MINDY1: variants seen among roughly 807,000 people sequenced by gnomAD.
MINDY1 encodes the protein MINDY lysine 48 deubiquitinase 1.
In MINDY1, 50 loss-of-function variants were observed where a neutral mutation model predicts 53.6. That is an observed-to-expected ratio of 0.93 (90% CI 0.74 to 1.18). The LOEUF (loss-of-function observed/expected upper bound fraction) is 1.18, where lower values mean the gene tolerates loss of function less well. Among genes scored for constraint, MINDY1 ranks in the 50% most tolerant of loss-of-function variants. The pLI, the probability that MINDY1 is intolerant of heterozygous loss-of-function variation, is 0.00. For synonymous variants in MINDY1, 231 were observed against 234.7 expected (o/e 0.98, Z 0.14); for missense variants, 484 against 578.6 (o/e 0.84, Z 1.68).
chr1:150,997,164 C>T lies in MINDY1; in HGVS notation c.*123G>A. 3 of 1,022,550 alleles carry T rather than the reference C, an allele frequency of 2.9e-6. No homozygotes were observed. The highest frequency in any genetic ancestry group is 3.1e-5 in the South Asian group (2 of 65,350). The allele number at this position is 1,022,550 out of a possible 1,614,324, so 63.3% of individuals were successfully genotyped here. The stretch of plus-strand genomic sequence containing the variant: ...GTCTGACCTTGGCATTTGTTGCCTG[C>T]TCTCATCCCCAACAGTCCATAAATA... On this transcript the variant is annotated 3_prime_UTR_variant, in exon 10 of 10. Coordinates refer to ENST00000683666, the MANE Select transcript of MINDY1 (RefSeq NM_001376665.1).
upstream of MINDY1, among the ~76,000 whole-genome samples, chr1:151,007,455 G>A (rs1673355810): frequency 6.6e-6 from 1 of 152,172 alleles, no homozygotes; most frequent in South Asian, 2.1e-4. Flanking sequence ...AGTGAGCCAA[G>A]ATCCTGCCAC....
chr1:151,002,469 C>A lies in MINDY1; in HGVS notation c.149G>T (p.Arg50Leu). The A allele has an allele frequency of 6.2e-7, 1 of 1,614,192 alleles. No homozygotes were observed. The highest frequency in any genetic ancestry group is 1.1e-5 in the South Asian group (1 of 91,088). The change falls in exon 2 of 10, where the codon CGG becomes CTG. Residue 50 changes from arginine to leucine, a missense_variant. Transcript: ENST00000683666. The surrounding 1 kb of genome is among the most constrained non-coding windows in gnomAD (Gnocchi z 4.1). ...CAGCAAAGCTTGGTCTGCTGGCTCCCGTTCTCTAGCCTCCCCATCAGCATC... is the reference window on the plus strand; with the variant it reads ...CAGCAAAGCTTGGTCTGCTGGCTCCAGTTCTCTAGCCTCCCCATCAGCATC... The part of the protein sequence containing the change: ...ARDADGEARE[R>L]EPADQALLPS...
chr1:150,997,598 G>A (rs587622055), intron 9 of MINDY1, 26 bp downstream of exon 9: 1 of 1,604,366 alleles, frequency 6.2e-7, no homozygotes, highest in Non-Finnish European at 8.5e-7. Context: ...GAAACCGGGA[G>A]TGTGGGCGCC....
Position 151,000,670 on chromosome 1 carries a change from C to T in MINDY1, c.577-55G>A. 6 of 1,543,362 alleles carry T rather than the reference C, an allele frequency of 3.9e-6. No homozygotes were observed. The South Asian group carries it at 6.1e-5, about 16-fold the overall frequency. On this transcript the variant is annotated intron_variant, in intron 4 of 9. Transcript: ENST00000683666. ...TCTAGCCTTCTCTCCCACCACTCCA[C>T]TCCCACCTGCAGAAATTAAAAATTA...
In MINDY1 at chr1:151,002,497, T is replaced by C; in HGVS notation, c.121A>G (p.Arg41Gly). ...TCTCTAGCCTCCCCATCAGCATCTC[T>C]TGCATCTGTGTCCTGAGGGTGCTCA... ...PDEHPQDTDA[R>G]DADGEARERE... Residue 41 changes from arginine to glycine, a missense_variant, in exon 2 of 10, where the codon AGA (arginine) becomes GGA (glycine). By Grantham distance (125) the Arg-to-Gly change is moderately radical. Transcript: ENST00000683666. This position sits in a 1 kb window ranked among gnomAD's most constrained non-coding sequence, Gnocchi z 4.1. The C allele has an allele frequency of 1.2e-6, 2 of 1,612,696 alleles. No homozygotes were observed. Among genetic ancestry groups the C allele is most frequent in the Admixed American group, 3.3e-5 (2 of 60,026 alleles).
Position 151,002,437 on chromosome 1 carries a change from G to A in MINDY1, c.181C>T (p.Gln61Ter). The change falls in exon 2 of 10, where the codon CAG becomes TAG. Residue 61 changes from glutamine (Q) to a stop codon, truncating the protein, a stop_gained. Transcript: ENST00000683666. LOFTEE classifies it high-confidence loss of function. This position sits in a 1 kb window ranked among gnomAD's most constrained non-coding sequence, Gnocchi z 4.1. ...GGGGACTCAAGGTTGTCCCCACACT[G>A]GCTAGGCAGCAAAGCTTGGTCTGCT... Reference protein sequence around the residue: ...EPADQALLPSQCGDNLESPLP... With the variant: ...EPADQALLPS 1 of 1,614,192 alleles carries A rather than the reference G, an allele frequency of 6.2e-7. No individual in the cohort carries two copies. The highest frequency in any genetic ancestry group is 1.1e-5 in the South Asian group (1 of 91,088).
In MINDY1 at chr1:151,002,923, G is replaced by T; in HGVS notation, c.-89-217C>A. 4.4e-6 allele frequency: 6 copies of T among 1,357,254 alleles called. No individual in the cohort carries two copies. The highest frequency in any genetic ancestry group is 4.7e-6 in the Non-Finnish European group (5 of 1,055,432). 84.1% of individuals were successfully genotyped at this position (1,357,254 alleles called of 1,614,324 possible). A position where few individuals can be genotyped will look rare whatever the true frequency, so the allele number is the denominator to read the frequency against. The stretch of plus-strand genomic sequence containing the variant: ...AGAGGTCGTGGGGCTTCCAGACTTG[G>T]GAGGGAAGACTGGTGGGATTGAACA... On this transcript the variant is annotated intron_variant, in intron 1 of 9. Transcript: ENST00000683666. The surrounding 1 kb of genome is among the most constrained non-coding windows in gnomAD (Gnocchi z 4.1).
chr1:151,005,704 C>T lies in MINDY1; in HGVS notation c.-90+608G>A, dbSNP rs79523779. Reference sequence around the variant, plus strand: ...GTAATGGAGGCTTTCTACTCTACAACGTCCAATCCTGCTGGGGAGGGCATG... The same window carrying T: ...GTAATGGAGGCTTTCTACTCTACAATGTCCAATCCTGCTGGGGAGGGCATG... On this transcript the variant is annotated intron_variant, in intron 1 of 9. Coordinates refer to ENST00000683666, the MANE Select transcript of MINDY1 (RefSeq NM_001376665.1). Among the ~76,000 whole-genome samples, 1,334 of 152,230 alleles carry T rather than the reference C, an allele frequency of 8.8e-3. 9 individuals carry two copies. The highest frequency in any genetic ancestry group is 0.012 in the Non-Finnish European group (847 of 68,032).
chr1:151,001,877 G>A, intron 2 of MINDY1, 95 bp from the exon 3 acceptor site: 1 of 1,378,682 alleles, frequency 7.3e-7, no homozygotes, highest in Non-Finnish European at 9.8e-7. Flanking sequence ...CAGTAGTAGG[G>A]TGGGGTAGGA....
At position 150,997,121 on chromosome 1, in the gene MINDY1, G is replaced by A; in HGVS notation, c.*166C>T. 1 of 695,402 alleles carries A rather than the reference G, an allele frequency of 1.4e-6. No individual in the cohort carries two copies. Among genetic ancestry groups the A allele is most frequent in the South Asian group, 1.9e-5 (1 of 53,588 alleles). 43.1% of individuals were successfully genotyped at this position (695,402 alleles called of 1,614,324 possible). The stretch of plus-strand genomic sequence containing the variant: ...AGGCAGAGAAGGCAGCAGCACGTGA[G>A]GTCAAGGACATTACCAAGTCTGACC... On this transcript the variant is annotated 3_prime_UTR_variant, in exon 10 of 10. Coordinates refer to ENST00000683666, the MANE Select transcript of MINDY1 (RefSeq NM_001376665.1).
intron 1 of MINDY1, among the ~76,000 whole-genome samples, chr1:151,005,830 C>T (rs1276342188): frequency 1.3e-5 from 2 of 152,212 alleles, no homozygotes; most frequent in African/African-American, 4.8e-5. Context: ...CCTACACTTT[C>T]TCTCCAGCTG....
At position 151,002,642 on chromosome 1, in the gene MINDY1, G is replaced by T. The variant is rs1418055143; in HGVS notation, c.-25C>A. 2.5e-6 allele frequency: 4 copies of T among 1,614,016 alleles called. No individual in the cohort carries two copies. In the South Asian group the frequency reaches 4.4e-5, roughly 18 times the overall value. ...TGGTCAAAAGGGACTTGGCTGAGGG[G>T]CACTGAAGGTGTTTACTAACCTCAG... On this transcript the variant is annotated 5_prime_UTR_variant, in exon 2 of 10. Coordinates refer to ENST00000683666, the MANE Select transcript of MINDY1 (RefSeq NM_001376665.1). This position sits in a 1 kb window ranked among gnomAD's most constrained non-coding sequence, Gnocchi z 4.1.
At chr1:151,008,307 A>C, upstream of MINDY1, 1 of 1,292,608 alleles carries the variant, frequency 7.7e-7, no homozygotes. Flanking sequence ...GTTGCTAGGG[A>C]CATTGCGGAG....
In MINDY1 at chr1:150,999,402, T is replaced by G. The variant is rs200192131; in HGVS notation, c.948A>C (p.Arg316=). Reference sequence around the variant, plus strand: ...TAGTCATGGTGCTAAAGTGGTTGTTTCGGAAAAAGACGCTAAGTTCACCCT... The same window carrying G: ...TAGTCATGGTGCTAAAGTGGTTGTTGCGGAAAAAGACGCTAAGTTCACCCT... ...AKEGELSVFF[R]NNHFSTMTKH... The change falls in exon 7 of 10, where the codon CGA becomes CGC. Residue 316 remains arginine, a synonymous_variant. Coordinates refer to ENST00000683666, the MANE Select transcript of MINDY1 (RefSeq NM_001376665.1). The surrounding 1 kb of genome is among the most constrained non-coding windows in gnomAD (Gnocchi z 4.4). 6.2e-6 allele frequency: 10 copies of G among 1,614,030 alleles called. No individual in the cohort carries two copies. Among genetic ancestry groups the G allele is most frequent in the African/African-American group, 1.3e-5 (1 of 74,978 alleles).
At chr1:151,008,307 A>T (rs75072401), upstream of MINDY1, 17,241 of 1,292,438 alleles carry the variant, frequency 0.013, 130 homozygotes, top group Middle Eastern at 0.015. Context: ...GTTGCTAGGG[A>T]CATTGCGGAG....
At position 151,000,449 on chromosome 1, in the gene MINDY1, A is replaced by C. The variant is rs1571720951; in HGVS notation, c.735+8T>G. 2 of 1,595,270 alleles carry C rather than the reference A, an allele frequency of 1.3e-6. No homozygotes were observed. Among genetic ancestry groups the C allele is most frequent in the Non-Finnish European group, 1.7e-6 (2 of 1,171,082 alleles). ...GGATAAGGTCCCAGTGGGCCCTCCC[A>C]CCCTCACCTGTGGATCAACAAGCCA... On this transcript the variant is annotated splice_region_variant and intron_variant, in intron 5 of 9. Coordinates refer to ENST00000683666, the MANE Select transcript of MINDY1 (RefSeq NM_001376665.1).
chr1:150,997,438 G>C lies in MINDY1; in HGVS notation c.1330-71C>G, dbSNP rs1414459656. On this transcript the variant is annotated intron_variant, in intron 9 of 9. Transcript: ENST00000683666. ...ACAAGAAGAGATTCTAGAAGAAGGGGTGTCAGGATTGGGACAGAGAGTAGG... is the reference window on the plus strand; with the variant it reads ...ACAAGAAGAGATTCTAGAAGAAGGGCTGTCAGGATTGGGACAGAGAGTAGG... The C allele has an allele frequency of 2.6e-6, 4 of 1,549,672 alleles. No homozygotes were observed. In the East Asian group the frequency reaches 9.6e-5, roughly 37 times the overall value.
rs746720369 is a variant in MINDY1, at chr1:151,003,118, A to G, written c.-89-412T>C. The G allele has an allele frequency of 1.4e-4, 46 of 335,094 alleles. No individual in the cohort carries two copies. In the Middle Eastern group the frequency reaches 4.5e-3, roughly 32 times the overall value. 20.8% of individuals were successfully genotyped at this position (335,094 alleles called of 1,614,324 possible). ...TCTTTAGCTTACTCTAATAGGCATCACATCAGTAACCCCCTCATAGCCATG... is the reference window on the plus strand; with the variant it reads ...TCTTTAGCTTACTCTAATAGGCATCGCATCAGTAACCCCCTCATAGCCATG... On this transcript the variant is annotated intron_variant, in intron 1 of 9. Coordinates refer to ENST00000683666, the MANE Select transcript of MINDY1 (RefSeq NM_001376665.1).
rs1298490016 is a variant in MINDY1, at chr1:150,997,674, G to A, written c.1279C>T (p.Gln427Ter). ...ATCCGCACTGGCTGCGCTGCCTGCT[G>A]CTGTTGATACTCCTCTTGCTGAAGC... is the stretch of plus-strand genomic sequence containing the variant. The part of the protein sequence containing the change: ...QQLQQEEYQQ[Q>*]QAAQPVRMRT... Residue 427 changes from glutamine (Q) to a stop codon, truncating the protein, a stop_gained, in exon 9 of 10, where the codon CAG (glutamine) becomes TAG (stop). Coordinates refer to ENST00000683666, the MANE Select transcript of MINDY1 (RefSeq NM_001376665.1). LOFTEE classifies it low-confidence loss of function (END_TRUNC). 6.2e-7 allele frequency: 1 copy of A among 1,613,144 alleles called. No homozygotes were observed. Among genetic ancestry groups the A allele is most frequent in the Non-Finnish European group, 8.5e-7 (1 of 1,180,038 alleles).
Sources: gnomAD v4.1 joint callset for allele counts (sites outside exome capture counted in the v4.1 genomes callset) on GRCh38, gnomAD v4.1.1 for gene constraint, Gnocchi (gnomAD v3.1) non-coding constraint, MANE v1.5 for transcripts, NCBI Gene and HGNC (gene_info 2026-07-23, HGNC 2026-07-21) for gene names.